Variants in MCTP1 observed in about 807,000 individuals in gnomAD.
MCTP1 encodes multiple C2 and transmembrane domain containing 1, also known as multiple C2 and transmembrane domain-containing protein 1.
MCTP1 carries 69 observed loss-of-function variants against 120.6 expected under a neutral mutation model. The observed-to-expected ratio is 0.57, with a 90% confidence interval of 0.47 to 0.70. MCTP1 has a LOEUF of 0.70. Among genes scored for constraint, MCTP1 ranks in the 30% least tolerant of loss-of-function variants. The pLI is 0.00. For missense variants in MCTP1, 1,203 were observed against 1,248.8 expected (o/e 0.96, Z 0.55); for synonymous variants, 529 against 493.1 (o/e 1.07, Z -0.96).
At chr5:94,730,934 AC>A (rs1390489164) in intron 19 of MCTP1, among the ~76,000 whole-genome samples, 1 of 137,460 alleles carries the variant, frequency 7.3e-6, no homozygotes, top group Non-Finnish European at 1.5e-5. Flanking sequence ...ACACACACAC[AC>A]TCCACACACA....
At chr5:95,074,947 T>G (rs1320255317) in intron 1 of MCTP1, among the ~76,000 whole-genome samples, 1 of 152,256 alleles carries the variant, frequency 6.6e-6, no homozygotes, top group East Asian at 1.9e-4. Flanking sequence ...AGCAACCCCA[T>G]GCCCAGCTTG....
chr5:94,784,558 C>T (rs1431505295), intron 18 of MCTP1, among the ~76,000 whole-genome samples: 1 of 152,002 alleles, frequency 6.6e-6, no homozygotes, highest in African/African-American at 2.4e-5. Flanking sequence ...ATACATAATT[C>T]ACTCCACGTT....
At chr5:95,128,788 A>T (rs895999352) in intron 1 of MCTP1, among the ~76,000 whole-genome samples, 1 of 152,232 alleles carries the variant, frequency 6.6e-6, no homozygotes. Context: ...TGAATATACT[A>T]AAAGGCAAGA....
At chr5:94,954,204 A>ATATG (rs1821974281) in intron 2 of MCTP1, among the ~76,000 whole-genome samples, 1 of 132,684 alleles carries the variant, frequency 7.5e-6, no homozygotes, top group Non-Finnish European at 1.6e-5. Context: ...ATATATATAT[A>ATATG]TGCCATGGAA....
chr5:95,046,569 C>T (rs1283069240), intron 1 of MCTP1, among the ~76,000 whole-genome samples: 2 of 152,170 alleles, frequency 1.3e-5, no homozygotes, highest in Non-Finnish European at 2.9e-5. Context: ...AGCATAAGTA[C>T]TACTTCTACC....
intron 2 of MCTP1, among the ~76,000 whole-genome samples, chr5:95,011,168 C>T (rs778119151): frequency 2.0e-5 from 3 of 152,080 alleles, no homozygotes; most frequent in Non-Finnish European, 2.9e-5. Flanking sequence ...TGGAGAAATA[C>T]TTCGAAATGC....
chr5:94,939,309 G>A (rs1816976330), intron 5 of MCTP1, among the ~76,000 whole-genome samples: 1 of 151,940 alleles, frequency 6.6e-6, no homozygotes, highest in African/African-American at 2.4e-5. Context: ...AGAGTATTTG[G>A]ACTTGCCTAA....
intron 1 of MCTP1, among the ~76,000 whole-genome samples, chr5:95,208,204 C>T (rs1027387984): frequency 6.6e-6 from 1 of 152,148 alleles, no homozygotes; most frequent in Non-Finnish European, 1.5e-5. Flanking sequence ...ATTCTCCTGC[C>T]TCAGCCTCCC....
intron 1 of MCTP1, among the ~76,000 whole-genome samples, chr5:95,246,979 T>C (rs1756863408): frequency 2.0e-5 from 3 of 152,202 alleles, no homozygotes; most frequent in Non-Finnish European, 4.4e-5. Context: ...CCAGCTCCTC[T>C]TTGTACCTCT....
chr5:94,820,846 G>A (rs1225417764), intron 17 of MCTP1, among the ~76,000 whole-genome samples: 1 of 152,158 alleles, frequency 6.6e-6, no homozygotes, highest in Non-Finnish European at 1.5e-5. Flanking sequence ...AACCATTTGA[G>A]AGTAACATAC....
intron 1 of MCTP1, among the ~76,000 whole-genome samples, chr5:95,283,057 C>A (rs1760451650): frequency 6.6e-6 from 1 of 152,178 alleles, no homozygotes; most frequent in Non-Finnish European, 1.5e-5. Flanking sequence ...TAAACATTTA[C>A]AAAAAGAGCA....
chr5:94,992,766 G>A (rs993468881), intron 2 of MCTP1, among the ~76,000 whole-genome samples: 1 of 126,164 alleles, frequency 7.9e-6, no homozygotes, highest in Non-Finnish European at 1.9e-5. Context: ...AATTCACCCT[G>A]TGTTGGCCCC....
intron 1 of MCTP1, among the ~76,000 whole-genome samples, chr5:95,219,197 C>T (rs949320063): frequency 2.0e-5 from 3 of 151,964 alleles, no homozygotes; most frequent in Admixed American, 6.5e-5. Context: ...CTGGCTAATA[C>T]GGTGAAACCC....
At chr5:95,029,349 C>T (rs1396454855) in intron 1 of MCTP1, among the ~76,000 whole-genome samples, 2 of 152,018 alleles carry the variant, frequency 1.3e-5, no homozygotes, top group African/African-American at 4.8e-5. Flanking sequence ...AGATTTTGAG[C>T]TCTAGAAGCC....
At chr5:95,128,560 GC>G (rs2152420118) in intron 1 of MCTP1, among the ~76,000 whole-genome samples, 1 of 152,314 alleles carries the variant, frequency 6.6e-6, no homozygotes, top group Non-Finnish European at 1.5e-5. Context: ...AGTGAAAGAA[GC>G]CAGTCACAAA....
chr5:94,830,305 G>A (rs1788220884), intron 17 of MCTP1, among the ~76,000 whole-genome samples: 1 of 152,220 alleles, frequency 6.6e-6, no homozygotes, highest in Non-Finnish European at 1.5e-5. Flanking sequence ...ATACATCACA[G>A]TAAGCTATCC....
intron 1 of MCTP1, among the ~76,000 whole-genome samples, chr5:95,281,763 C>T (rs1279683823): frequency 6.6e-6 from 1 of 152,172 alleles, no homozygotes; most frequent in East Asian, 1.9e-4. Context: ...TGCAACAATA[C>T]ATCACAGAAC....
chr5:95,095,874 G>A (rs952494365), intron 1 of MCTP1, among the ~76,000 whole-genome samples: 7 of 152,064 alleles, frequency 4.6e-5, no homozygotes, highest in Non-Finnish European at 1.0e-4. Context: ...GGCGGTGACC[G>A]TGTATTTGAA....
intron 1 of MCTP1, among the ~76,000 whole-genome samples, chr5:95,037,664 G>T (rs1581965301): frequency 1.3e-5 from 2 of 152,252 alleles, no homozygotes; most frequent in Middle Eastern, 3.4e-3. Context: ...TCAGGAGTTT[G>T]AGATCGGCCT....
Sources: gnomAD v4.1 joint callset for allele counts (sites outside exome capture counted in the v4.1 genomes callset) on GRCh38, gnomAD v4.1.1 for gene constraint, MANE v1.5 for transcripts, NCBI Gene and HGNC (gene_info 2026-07-23, HGNC 2026-07-21) for gene names.